The following KIAA1217 variants were observed in gnomAD, a reference collection of about 807,000 sequenced individuals.
The protein encoded by KIAA1217 is sickle tail protein homolog.
In KIAA1217, 88 loss-of-function variants were observed where a neutral mutation model predicts 163.9. That is an observed-to-expected ratio of 0.54 (90% CI 0.45 to 0.64). The LOEUF (loss-of-function observed/expected upper bound fraction) is 0.64, where lower values mean the gene tolerates loss of function less well. KIAA1217 is among the 30% of genes least tolerant of loss of function. The pLI, the probability that KIAA1217 is intolerant of heterozygous loss-of-function variation, is 0.00. For synonymous variants in KIAA1217, 903 were observed against 923.1 expected (o/e 0.98, Z 0.39); for missense variants, 2,372 against 2,475.0 (o/e 0.96, Z 0.88).
intron 1 of KIAA1217, among the ~76,000 whole-genome samples, chr10:23,776,440 A>G (rs1042173089): frequency 2.6e-5 from 4 of 151,486 alleles, no homozygotes; most frequent in Non-Finnish European, 4.4e-5. Flanking sequence ...TTTATCTCAT[A>G]TATTTATTCA....
chr10:24,012,136 G>C (rs1357508305), intron 2 of KIAA1217, among the ~76,000 whole-genome samples: 3 of 152,160 alleles, frequency 2.0e-5, no homozygotes, highest in Admixed American at 6.6e-5. Context: ...GACAGGTGGT[G>C]CTGGTTGCAG....
intron 2 of KIAA1217, among the ~76,000 whole-genome samples, chr10:24,025,463 C>T (rs751410515): frequency 2.6e-5 from 4 of 151,532 alleles, no homozygotes; most frequent in Admixed American, 1.3e-4. Context: ...CACTTTCGTT[C>T]TTTCTTTTCA....
At chr10:23,910,295 T>C (rs780185534) in intron 1 of KIAA1217, among the ~76,000 whole-genome samples, 1 of 140,980 alleles carries the variant, frequency 7.1e-6, no homozygotes, top group African/African-American at 2.6e-5. Flanking sequence ...ACTTAAAGTA[T>C]AAAAAAAAAA....
intron 1 of KIAA1217, among the ~76,000 whole-genome samples, chr10:23,971,440 G>A (rs1456373627): frequency 6.6e-6 from 1 of 152,148 alleles, no homozygotes; most frequent in Non-Finnish European, 1.5e-5. Flanking sequence ...AAAAATGTGT[G>A]ATCATCACCT....
chr10:23,767,343 G>A (rs1208020694), intron 1 of KIAA1217, among the ~76,000 whole-genome samples: 1 of 152,132 alleles, frequency 6.6e-6, no homozygotes, highest in Non-Finnish European at 1.5e-5. Context: ...AGAAAGAATT[G>A]GAGGTGGCTG....
intron 5 of KIAA1217, among the ~76,000 whole-genome samples, chr10:24,452,871 T>C (rs2061493477): frequency 6.6e-6 from 1 of 152,150 alleles, no homozygotes. Context: ...TATTACACAT[T>C]GCATGCTGTA....
intron 2 of KIAA1217, among the ~76,000 whole-genome samples, chr10:24,175,307 G>A (rs2131928433): frequency 6.6e-6 from 1 of 152,200 alleles, no homozygotes; most frequent in South Asian, 2.1e-4. Context: ...ACTTATCAGT[G>A]AGAACATACA....
At position 23,774,049 on chromosome 10, in the gene KIAA1217, G is replaced by A. The variant is rs542200437; in HGVS notation, c.-321+78815G>A. 1.4e-3 allele frequency among the ~76,000 whole-genome samples: 218 copies of A among 152,262 alleles called. 2 individuals are homozygous for A. The highest frequency in any genetic ancestry group is 4.7e-3 in the African/African-American group (195 of 41,546). ...CCCTGTCTTGTGCCAGTTTTGAAAG[G>A]GAATGCTTCCAGTTTTTGCCCATTC... On this transcript the variant is annotated intron_variant, in intron 1 of 18. Transcript: ENST00000376462.
chr10:24,319,552 T>C (rs1403297410), intron 2 of KIAA1217, among the ~76,000 whole-genome samples: 1 of 152,104 alleles, frequency 6.6e-6, no homozygotes, highest in East Asian at 1.9e-4. Context: ...AAATAATCTA[T>C]ACAGCTTGCA....
At chr10:24,534,670 A>G (rs568502422) in intron 16 of KIAA1217, among the ~76,000 whole-genome samples, 120 of 152,122 alleles carry the variant, frequency 7.9e-4, no homozygotes, top group African/African-American at 2.6e-3. Context: ...ACCTGAGGTC[A>G]GGAGTTCGAG....
chr10:24,455,971 C>T (rs982932389), intron 5 of KIAA1217, among the ~76,000 whole-genome samples: 9 of 152,150 alleles, frequency 5.9e-5, no homozygotes, highest in East Asian at 1.9e-4. Context: ...CTGCAACCTC[C>T]GCCTCCCGGG....
chr10:24,351,323 T>C (rs1015360610), intron 2 of KIAA1217, among the ~76,000 whole-genome samples: 1 of 152,218 alleles, frequency 6.6e-6, no homozygotes, highest in Non-Finnish European at 1.5e-5. Flanking sequence ...CTTTCTTCCC[T>C]TCTAAGAGTC....
chr10:23,851,788 T>G (rs1839345563), intron 1 of KIAA1217, among the ~76,000 whole-genome samples: 1 of 152,096 alleles, frequency 6.6e-6, no homozygotes, highest in Non-Finnish European at 1.5e-5. Flanking sequence ...TTTTCATGTG[T>G]TTTTTGGCTG....
intron 2 of KIAA1217, among the ~76,000 whole-genome samples, chr10:24,289,397 A>G (rs1323799892): frequency 1.3e-5 from 2 of 152,140 alleles, no homozygotes; most frequent in Non-Finnish European, 2.9e-5. Flanking sequence ...AAGGCATGGA[A>G]ACAGTTGGTG....
At chr10:24,259,610 G>A (rs1052179719) in intron 2 of KIAA1217, among the ~76,000 whole-genome samples, 1 of 152,182 alleles carries the variant, frequency 6.6e-6, no homozygotes, top group South Asian at 2.1e-4. Context: ...GCAAAATCTT[G>A]TGTCTAAAAA....
chr10:24,263,889 C>T (rs919606502), intron 2 of KIAA1217, among the ~76,000 whole-genome samples: 2 of 152,206 alleles, frequency 1.3e-5, no homozygotes, highest in Admixed American at 6.5e-5. Context: ...CAGAATCTCG[C>T]TCTGTCAACC....
intron 2 of KIAA1217, among the ~76,000 whole-genome samples, chr10:24,285,852 G>A: frequency 6.6e-6 from 1 of 152,048 alleles, no homozygotes; most frequent in Non-Finnish European, 1.5e-5. Flanking sequence ...TTTTCCATTT[G>A]CTTGTGTTGT....
At chr10:24,091,189 T>A (rs1276100383) in intron 2 of KIAA1217, among the ~76,000 whole-genome samples, 1 of 151,862 alleles carries the variant, frequency 6.6e-6, no homozygotes, top group East Asian at 1.9e-4. Context: ...CACAAATTGC[T>A]CTGCTACATA....
chr10:24,456,460 G>A (rs2061799752), intron 5 of KIAA1217, among the ~76,000 whole-genome samples: 1 of 152,128 alleles, frequency 6.6e-6, no homozygotes, highest in South Asian at 2.1e-4. Flanking sequence ...AACTCATTAG[G>A]TATTCACAGC....
Sources: allele counts gnomAD v4.1 joint callset (sites outside exome capture counted in the v4.1 genomes callset), GRCh38; gene constraint gnomAD v4.1.1; transcripts MANE v1.5; gene names NCBI Gene and HGNC (gene_info 2026-07-23, HGNC 2026-07-21).